CFAP44: variants seen among roughly 807,000 people sequenced by gnomAD.
CFAP44 encodes cilia- and flagella-associated protein 44.
A neutral mutation model predicts 216.2 loss-of-function variants in CFAP44; 134 were observed. The ratio of observed to expected loss-of-function variants is 0.62; its 90% CI spans 0.54 to 0.72. The LOEUF (loss-of-function observed/expected upper bound fraction) is 0.72. Among genes scored for constraint, CFAP44 ranks in the 30% least tolerant of loss-of-function variants. CFAP44 has a pLI of 0.00. For missense variants in CFAP44, 2,035 were observed against 2,182.1 expected (o/e 0.93, Z 1.34); for synonymous variants, 700 against 727.6 (o/e 0.96, Z 0.61).
At chr3:113,407,205 G>T (rs1458734071) in intron 7 of CFAP44, among the ~76,000 whole-genome samples, 164 bp from the exon 8 acceptor site, 3 of 152,070 alleles carry the variant, frequency 2.0e-5, no homozygotes, top group Admixed American at 6.5e-5. Flanking sequence ...GCCCGGCAAG[G>T]TTGTAGGCAA....
In CFAP44 at chr3:113,380,943, A is replaced by G; in HGVS notation, c.2008T>C (p.Cys670Arg). The part of the protein sequence containing the change: ...DVVSYEIKDM[C>R]IKCFHFSSVK... ...CTTGAAAAATGGAAACATTTTATGC[A>G]CATGTCTTTGATTTCATAGGAGACT... The change falls in exon 16 of 35, where the codon TGC becomes CGC. Residue 670 changes from cysteine to arginine, a missense_variant. Physicochemically the swap from Cys to Arg is radical, Grantham distance 180 (BLOSUM62 -3). Around this residue, in one of 3 missense-constraint regions of CFAP44, gnomAD observed 1,883 missense variants for 2,023.7 expected, o/e 0.93. Coordinates refer to ENST00000393845, the MANE Select transcript of CFAP44 (RefSeq NM_001164496.2). 6.3e-7 allele frequency: 1 copy of G among 1,594,750 alleles called. No individual in the cohort carries two copies. Among genetic ancestry groups the G allele is most frequent in the Non-Finnish European group, 8.5e-7 (1 of 1,170,974 alleles).
At chr3:113,413,140 T>A (rs1032589181) in intron 6 of CFAP44, among the ~76,000 whole-genome samples, 1 of 152,226 alleles carries the variant, frequency 6.6e-6, no homozygotes, top group Non-Finnish European at 1.5e-5. Flanking sequence ...TTGAGCTTTT[T>A]TTCATATGCT....
intron 33 of CFAP44, 50 bp from the exon 34 acceptor site, chr3:113,294,871 G>A (rs777005495): frequency 6.8e-7 from 1 of 1,475,972 alleles, no homozygotes; most frequent in Admixed American, 2.5e-5. Context: ...CGAGAAGAAA[G>A]AAAGAAAAAT....
Position 113,349,797 on chromosome 3 carries a change from C to G in CFAP44, c.3066-5085G>C, listed in dbSNP as rs369940586. Among the ~76,000 whole-genome samples, 45 of 152,308 alleles carry G rather than the reference C, an allele frequency of 3.0e-4. 1 individual carries two copies. The highest frequency in any genetic ancestry group is 9.9e-4 in the African/African-American group (41 of 41,570). On this transcript the variant is annotated intron_variant, in intron 22 of 34. Coordinates refer to ENST00000393845, the MANE Select transcript of CFAP44 (RefSeq NM_001164496.2). Reference sequence around the variant, plus strand: ...CAGGAAATTGACTTCCTCCTGGACACTGGTGCAGCTTTCTCAGTGTTAATC... The same window carrying G: ...CAGGAAATTGACTTCCTCCTGGACAGTGGTGCAGCTTTCTCAGTGTTAATC...
chr3:113,372,696 T>C (rs1576576729), intron 18 of CFAP44, among the ~76,000 whole-genome samples: 1 of 152,110 alleles, frequency 6.6e-6, no homozygotes, highest in Admixed American at 6.5e-5. Context: ...ATGTGCACGT[T>C]GTGCACATGT....
chr3:113,314,478 A>T lies in CFAP44; in HGVS notation c.4517-6210T>A, dbSNP rs75251629. ...AAATTAAGACATTATCTGATTTTTT[A>T]AAAAAATAAGAACATTTGTCACCAG... On this transcript the variant is annotated intron_variant, in intron 28 of 34. Transcript: ENST00000393845. Among the ~76,000 whole-genome samples, 315 of 152,278 alleles carry T rather than the reference A, an allele frequency of 2.1e-3. 4 individuals carry two copies. The East Asian group carries it at 0.032, about 15-fold the overall frequency.
chr3:113,419,749 T>C (rs1160483335), intron 5 of CFAP44, among the ~76,000 whole-genome samples: 1 of 152,186 alleles, frequency 6.6e-6, no homozygotes, highest in Non-Finnish European at 1.5e-5. Flanking sequence ...TGCACGACTA[T>C]GGGGAAGTCA....
intron 6 of CFAP44, among the ~76,000 whole-genome samples, chr3:113,414,037 A>C (rs1934571509): frequency 6.6e-6 from 1 of 151,546 alleles, no homozygotes; most frequent in South Asian, 2.1e-4. Flanking sequence ...TACTTCCTTG[A>C]GCAGTGGTTT....
chr3:113,334,533 A>G (rs1011713086), intron 24 of CFAP44, among the ~76,000 whole-genome samples: 3 of 152,148 alleles, frequency 2.0e-5, no homozygotes, highest in Non-Finnish European at 4.4e-5. Flanking sequence ...GAATACCCAC[A>G]AGATAAGGCC....
At chr3:113,430,396 A>G (rs1032410195) in intron 2 of CFAP44, among the ~76,000 whole-genome samples, 1 of 150,732 alleles carries the variant, frequency 6.6e-6, no homozygotes, top group Admixed American at 6.6e-5. Flanking sequence ...TCAATGACCT[A>G]AAGTTCCACC....
chr3:113,360,133 A>G (rs1950524339), intron 21 of CFAP44: 1 of 152,138 alleles, frequency 6.6e-6, no homozygotes, highest in Admixed American at 6.5e-5. Flanking sequence ...TGTATTACGT[A>G]AAGAGGTTCA....
intron 21 of CFAP44, chr3:113,360,802 G>C (rs962059298): frequency 1.1e-5 from 2 of 186,432 alleles, no homozygotes; most frequent in South Asian, 2.0e-4. Flanking sequence ...GTGCAGGGCA[G>C]AGAGACCAAC....
In CFAP44 at chr3:113,289,769, C is replaced by G. The variant is rs922604627; in HGVS notation, c.*1788G>C. The G allele has an allele frequency of 1.3e-5, 2 of 152,340 alleles. No individual in the cohort carries two copies. Among genetic ancestry groups the G allele is most frequent in the African/African-American group, 2.4e-5 (1 of 41,452 alleles). The allele number at this position is 152,340 out of a possible 1,614,324, so 9.4% of individuals were successfully genotyped here. A position where few individuals can be genotyped will look rare whatever the true frequency, so the allele number is the denominator to read the frequency against. ...GACTGTGGCTCTTGTATACATCATT[C>G]TCTCTTGCTGTCTCCCTCACTCTTG... On this transcript the variant is annotated 3_prime_UTR_variant, in exon 35 of 35. Transcript: ENST00000393845.
chr3:113,377,572 C>T (rs904657425), intron 17 of CFAP44, among the ~76,000 whole-genome samples: 2 of 152,102 alleles, frequency 1.3e-5, no homozygotes, highest in Admixed American at 6.6e-5. Context: ...TAGAAAAATA[C>T]CTGATACAGA....
chr3:113,363,455 T>C (rs760058238), intron 20 of CFAP44, 22 bp downstream of exon 20: 1 of 1,604,986 alleles, frequency 6.2e-7, no homozygotes, highest in South Asian at 1.1e-5. Flanking sequence ...GCCTAGTCAG[T>C]ATTTATCAAA....
rs17256752 is a variant in CFAP44, at chr3:113,417,431, G to C, written c.571-804C>G. ...TCATTTCTGTTATTTTTGTCTATTG[G>C]TAAGCCAAATGTGTAGGAAGGGTAA... is the stretch of plus-strand genomic sequence containing the variant. On this transcript the variant is annotated intron_variant, in intron 5 of 34. Coordinates refer to ENST00000393845, the MANE Select transcript of CFAP44 (RefSeq NM_001164496.2). The C allele has an allele frequency of 3.3e-5, 5 of 152,052 alleles. No homozygotes were observed. In the East Asian group the frequency reaches 9.6e-4, roughly 29 times the overall value. 9.4% of individuals were successfully genotyped at this position (152,052 alleles called of 1,614,324 possible). A position where few individuals can be genotyped will look rare whatever the true frequency, so the allele number is the denominator to read the frequency against.
chr3:113,292,088 GA>G (rs1949835095), intron 34 of CFAP44, among the ~76,000 whole-genome samples: 1 of 152,120 alleles, frequency 6.6e-6, no homozygotes, highest in African/African-American at 2.4e-5. Flanking sequence ...TTCCCAGAAT[GA>G]AATCTTCTGT....
intron 28 of CFAP44, among the ~76,000 whole-genome samples, chr3:113,316,104 G>A (rs538672846): frequency 4.6e-5 from 7 of 152,212 alleles, no homozygotes; most frequent in South Asian, 2.1e-4. Flanking sequence ...TATGTTCTCC[G>A]ACCACAATGA....
At position 113,287,136 on chromosome 3, in the gene CFAP44, TG is replaced by T; in HGVS notation, c.*4420del. On this transcript the variant is annotated 3_prime_UTR_variant, in exon 35 of 35. Transcript: ENST00000393845. ...GCTGGCGCGGGACAGACTCCTAACC[TG>T]GGGCCTCTGCAGTGGCAGGCGAGGC... is the stretch of plus-strand genomic sequence containing the variant. 1 of 462,300 alleles carries T rather than the reference TG, an allele frequency of 2.2e-6. No homozygotes were observed. Among genetic ancestry groups the T allele is most frequent in the Non-Finnish European group, 4.2e-6 (1 of 240,186 alleles). 28.6% of individuals were successfully genotyped at this position (462,300 alleles called of 1,614,324 possible).
Sources: gnomAD v4.1 joint callset for allele counts (sites outside exome capture counted in the v4.1 genomes callset) on GRCh38, gnomAD v4.1.1 for gene constraint, gnomAD v4.1.1 regional missense constraint, MANE v1.5 for transcripts, NCBI Gene and HGNC (gene_info 2026-07-23, HGNC 2026-07-21) for gene names.